Variants in SNX29 observed in about 807,000 individuals in gnomAD.
The protein encoded by SNX29 is sorting nexin 29.
A neutral mutation model predicts 102.1 loss-of-function variants in SNX29; 78 were observed. The observed-to-expected ratio is 0.76, with a 90% CI of 0.64 to 0.92. SNX29 has a LOEUF of 0.92. SNX29 is among the 40% of genes least tolerant of loss of function. SNX29 has a pLI of 0.00. For missense variants in SNX29, 1,280 were observed against 1,061.7 expected (o/e 1.21, Z -2.86); for synonymous variants, 580 against 414.5 (o/e 1.40, Z -4.85).
At chr16:12,397,759 A>T (rs1014914157) in intron 16 of SNX29, among the ~76,000 whole-genome samples, 10 of 152,210 alleles carry the variant, frequency 6.6e-5, no homozygotes, top group Admixed American at 5.2e-4. Flanking sequence ...TGTGAGAATC[A>T]GTTTCCTATC....
At chr16:12,371,229 C>T (rs1229255668) in intron 16 of SNX29, among the ~76,000 whole-genome samples, 2 of 137,336 alleles carry the variant, frequency 1.5e-5, no homozygotes, top group African/African-American at 2.5e-5. Flanking sequence ...TTTGGACCAA[C>T]CTTCCTTCCT....
At chr16:12,301,904 T>C (rs2080185611) in intron 15 of SNX29, among the ~76,000 whole-genome samples, 1 of 152,216 alleles carries the variant, frequency 6.6e-6, no homozygotes, top group Non-Finnish European at 1.5e-5. Context: ...ACACTATCAC[T>C]TTCCTCCTTA....
At chr16:12,336,227 A>G (rs2081445133) in intron 15 of SNX29, among the ~76,000 whole-genome samples, 1 of 151,854 alleles carries the variant, frequency 6.6e-6, no homozygotes, top group Non-Finnish European at 1.5e-5. Flanking sequence ...CTGTAGGGAG[A>G]AAGCTTTGGT....
rs116562785 is a variant in SNX29 at position 12,098,449 on chromosome 16, C to G, written c.1402+19534C>G. Among the ~76,000 whole-genome samples, 748 of 152,260 alleles carry G rather than the reference C, an allele frequency of 4.9e-3. 3 individuals carry two copies. Among genetic ancestry groups the G allele is most frequent in the Middle Eastern group, 0.024 (7 of 294 alleles). ...TAGGGGGTTGGGCATACTGGAGCTC[C>G]CACTTGCAGTGGCCACCGCGTGCCC... On this transcript the variant is annotated intron_variant, in intron 11 of 20. Coordinates refer to ENST00000566228, the MANE Select transcript of SNX29 (RefSeq NM_032167.5). This position sits in a 1 kb window ranked among gnomAD's most constrained non-coding sequence, Gnocchi z 6.0.
At chr16:12,390,063 T>C (rs2083468845) in intron 16 of SNX29, among the ~76,000 whole-genome samples, 1 of 152,188 alleles carries the variant, frequency 6.6e-6, no homozygotes, top group African/African-American at 2.4e-5. Context: ...TGATTTGTGC[T>C]TTTCTTATAG....
At chr16:12,272,306 G>A (rs935961990) in intron 14 of SNX29, among the ~76,000 whole-genome samples, 2 of 152,204 alleles carry the variant, frequency 1.3e-5, no homozygotes, top group African/African-American at 4.8e-5. Context: ...TGGACTTGAA[G>A]CGGGTTGAAT....
In SNX29 at chr16:12,570,036, C is replaced by G. The variant is rs547789640; in HGVS notation, c.*1407C>G. The stretch of plus-strand genomic sequence containing the variant: ...AACTGCCCAGGTGAGCATGGAGCAT[C>G]TCCTAGGCTCGAGGACATCTCTGGA... On this transcript the variant is annotated 3_prime_UTR_variant, in exon 21 of 21. Coordinates refer to ENST00000566228, the MANE Select transcript of SNX29 (RefSeq NM_032167.5). 21 of 423,316 alleles carry G rather than the reference C, an allele frequency of 5.0e-5. No individual in the cohort carries two copies. The East Asian group carries it at 1.1e-3, about 22-fold the overall frequency. The allele number at this position is 423,316 out of a possible 1,614,324, so 26.2% of individuals were successfully genotyped here.
chr16:12,527,763 C>T (rs2076825133), intron 20 of SNX29, among the ~76,000 whole-genome samples: 1 of 152,070 alleles, frequency 6.6e-6, no homozygotes, highest in East Asian at 1.9e-4. Flanking sequence ...GCCTGATTCT[C>T]CAACTTATTT....
chr16:12,097,168 T>C (rs1412061881), intron 11 of SNX29, among the ~76,000 whole-genome samples: 2 of 152,120 alleles, frequency 1.3e-5, no homozygotes, highest in Non-Finnish European at 2.9e-5. Flanking sequence ...GAGTACTGAG[T>C]CTGTCCTTGT....
chr16:12,564,136 C>T (rs540093115), intron 20 of SNX29, among the ~76,000 whole-genome samples: 3 of 152,204 alleles, frequency 2.0e-5, no homozygotes, highest in South Asian at 4.1e-4. Flanking sequence ...TGCCTATAAT[C>T]CCAGCACTTG....
chr16:12,025,981 C>G (rs140130672), intron 3 of SNX29, among the ~76,000 whole-genome samples: 128 of 152,240 alleles, frequency 8.4e-4, no homozygotes, highest in African/African-American at 3.0e-3. Flanking sequence ...CGTGCCTCAT[C>G]TATATTAAAG....
Position 12,027,403 on chromosome 16 carries a change from C to T in SNX29, c.206C>T (p.Ala69Val), listed in dbSNP as rs377206592. The change falls in exon 4 of 21, where the codon GCG (alanine) becomes GTG (valine). Residue 69 changes from alanine to valine, a missense_variant. Coordinates refer to ENST00000566228, the MANE Select transcript of SNX29 (RefSeq NM_032167.5). ...RSRGLALTAA[A>V]IKQAAGFASK... ...CGAGGATTGGCACTCACAGCGGCAG[C>T]GATCAAGCAGGCAGCGGGCTTTGCC... 21 of 1,614,046 alleles carry T rather than the reference C, an allele frequency of 1.3e-5. No individual in the cohort carries two copies. The highest frequency in any genetic ancestry group is 1.5e-5 in the Non-Finnish European group (18 of 1,179,976).
At chr16:12,008,624 A>G (rs758068342) in intron 3 of SNX29, among the ~76,000 whole-genome samples, 5 of 151,844 alleles carry the variant, frequency 3.3e-5, no homozygotes, top group East Asian at 1.9e-4. Flanking sequence ...TAAAAACAAT[A>G]TGTTTTTCGT....
intron 16 of SNX29, among the ~76,000 whole-genome samples, chr16:12,393,390 A>C (rs377747422): frequency 1.5e-5 from 2 of 133,814 alleles, no homozygotes; most frequent in African/African-American, 2.5e-5. Context: ...TGATTCATTC[A>C]TTCATGCATG....
intron 13 of SNX29, among the ~76,000 whole-genome samples, chr16:12,192,411 C>G (rs191868132): frequency 1.3e-5 from 2 of 152,214 alleles, no homozygotes; most frequent in African/African-American, 4.8e-5. Flanking sequence ...CCTGGATGAC[C>G]GTAATGGCCT....
At chr16:12,538,075 C>T (rs995611112) in intron 20 of SNX29, among the ~76,000 whole-genome samples, 1 of 151,064 alleles carries the variant, frequency 6.6e-6, no homozygotes, top group Non-Finnish European at 1.5e-5. Context: ...CAGCTTTCTT[C>T]TCAGTGGGCT....
At chr16:12,563,806 T>G (rs1283268743) in intron 20 of SNX29, among the ~76,000 whole-genome samples, 2 of 152,178 alleles carry the variant, frequency 1.3e-5, no homozygotes, top group South Asian at 2.1e-4. Context: ...CACCCACCCA[T>G]TTGCTGCTTT....
chr16:12,560,038 C>T (rs868144327), intron 20 of SNX29, among the ~76,000 whole-genome samples: 2 of 152,014 alleles, frequency 1.3e-5, no homozygotes, highest in Non-Finnish European at 2.9e-5. Flanking sequence ...ATGACAAATA[C>T]ACAAAGAAAA....
At chr16:12,329,712 G>A (rs1261210569) in intron 15 of SNX29, among the ~76,000 whole-genome samples, 1 of 152,348 alleles carries the variant, frequency 6.6e-6, no homozygotes, top group African/African-American at 2.4e-5. Flanking sequence ...CACTGGCAAC[G>A]AGTCCTCTGC....
Sources: allele counts gnomAD v4.1 joint callset (sites outside exome capture counted in the v4.1 genomes callset), GRCh38; gene constraint gnomAD v4.1.1; non-coding constraint Gnocchi (gnomAD v3.1); transcripts MANE v1.5; gene names NCBI Gene and HGNC (gene_info 2026-07-23, HGNC 2026-07-21).